TLL2: variants seen among roughly 807,000 people sequenced by gnomAD.
The protein encoded by TLL2 is tolloid-like protein 2.
A neutral mutation model predicts 123.0 loss-of-function variants in TLL2; 106 were observed. That is an observed-to-expected ratio of 0.86 (90% CI 0.74 to 1.01). The LOEUF (loss-of-function observed/expected upper bound fraction) is 1.01, where lower values mean the gene tolerates loss of function less well. Among genes scored for constraint, TLL2 ranks in the 50% least tolerant of loss-of-function variants. The pLI is 0.00. For missense variants in TLL2, 1,332 were observed against 1,336.7 expected, an observed-to-expected ratio of 1.00 and a Z score of 0.06; for synonymous variants, 494 against 516.8, an observed-to-expected ratio of 0.96 and a Z score of 0.60.
intron 7 of TLL2, among the ~76,000 whole-genome samples, chr10:96,414,671 ATGCCTC>A: frequency 6.6e-6 from 1 of 152,114 alleles, no homozygotes; most frequent in Non-Finnish European, 1.5e-5. Flanking sequence ...TGAGCCCCAG[ATGCCTC>A]GTAACACCTC....
intron 13 of TLL2, among the ~76,000 whole-genome samples, chr10:96,393,642 A>G (rs1564897450): frequency 6.6e-6 from 1 of 152,166 alleles, no homozygotes; most frequent in Non-Finnish European, 1.5e-5. Flanking sequence ...ATTTCCAGGC[A>G]TCTCAACTAA....
chr10:96,383,238 T>C, intron 16 of TLL2, among the ~76,000 whole-genome samples: 1 of 152,200 alleles, frequency 6.6e-6, no homozygotes, highest in East Asian at 1.9e-4. Context: ...TGGCCTTCAG[T>C]TTGAGAAGTA....
intron 19 of TLL2, among the ~76,000 whole-genome samples, chr10:96,372,150 A>T (rs1424326453): frequency 6.6e-6 from 1 of 152,182 alleles, no homozygotes; most frequent in African/African-American, 2.4e-5. Flanking sequence ...AGGGCTTTTA[A>T]ACTTCCCTGT....
intron 5 of TLL2, among the ~76,000 whole-genome samples, chr10:96,427,498 A>T (rs971371474): frequency 3.3e-5 from 5 of 152,200 alleles, no homozygotes; most frequent in Non-Finnish European, 5.9e-5. Context: ...ATGACTCTTG[A>T]TGCTATGCTA....
intron 1 of TLL2, among the ~76,000 whole-genome samples, chr10:96,483,579 T>C (rs1847331728): frequency 6.6e-6 from 1 of 152,154 alleles, no homozygotes; most frequent in African/African-American, 2.4e-5. Flanking sequence ...TCACTAGTCT[T>C]TGGATGAAGA....
chr10:96,503,652 C>G (rs1847554399), intron 1 of TLL2, among the ~76,000 whole-genome samples: 1 of 152,204 alleles, frequency 6.6e-6, no homozygotes, highest in South Asian at 2.1e-4. Flanking sequence ...ACCTGATACC[C>G]ATGCACTGAC....
At chr10:96,380,746 G>A (rs1045686927) in intron 16 of TLL2, among the ~76,000 whole-genome samples, 2 of 141,514 alleles carry the variant, frequency 1.4e-5, no homozygotes, top group Non-Finnish European at 3.0e-5. Context: ...GAGGCCAGGC[G>A]TGGTGGCTCA....
At chr10:96,392,527 A>G (rs1846299272) in intron 13 of TLL2, among the ~76,000 whole-genome samples, 1 of 151,928 alleles carries the variant, frequency 6.6e-6, no homozygotes, top group Non-Finnish European at 1.5e-5. Context: ...TGCATTGCTG[A>G]TCACCAGCAG....
intron 8 of TLL2, among the ~76,000 whole-genome samples, chr10:96,411,368 T>C (rs1846504562): frequency 6.6e-6 from 1 of 152,020 alleles, no homozygotes; most frequent in Admixed American, 6.5e-5. Context: ...TCTTTCCTCT[T>C]CCTTTTCTGC....
intron 2 of TLL2, among the ~76,000 whole-genome samples, chr10:96,454,247 C>T (rs1201932492): frequency 6.6e-6 from 1 of 152,218 alleles, no homozygotes; most frequent in African/African-American, 2.4e-5. Context: ...TGCTTTCTCT[C>T]AGACAGTGCT....
chr10:96,418,873 ATAAAT>A (rs1257150361), intron 7 of TLL2, among the ~76,000 whole-genome samples: 3 of 150,624 alleles, frequency 2.0e-5, no homozygotes, highest in East Asian at 1.9e-4. Context: ...TTATTAATAG[ATAAAT>A]TAAAAAGCAA....
chr10:96,489,704 A>G (rs766440223), intron 1 of TLL2, among the ~76,000 whole-genome samples: 5 of 152,238 alleles, frequency 3.3e-5, no homozygotes, highest in Non-Finnish European at 7.3e-5. Context: ...GTGGCTAGCT[A>G]TATATAAGCA....
rs1285354320 is a variant in TLL2 at position 96,476,248 on chromosome 10, T to TTTTTTGTTGTTGTTG, written c.286+4100_286+4101insCAACAACAACAAAAA. 2.3e-4 allele frequency among the ~76,000 whole-genome samples: 16 copies of TTTTTTGTTGTTGTTG among 69,240 alleles called. 2 individuals are homozygous for TTTTTTGTTGTTGTTG. The highest frequency in any genetic ancestry group is 1.0e-3 in the African/African-American group (16 of 16,068). The allele number at this position is 69,240 out of a possible 152,430, so 45.4% of individuals were successfully genotyped here. A position where few individuals can be genotyped will look rare whatever the true frequency, so the allele number is the denominator to read the frequency against. On this transcript the variant is annotated intron_variant, in intron 2 of 20. Coordinates refer to ENST00000357947, the MANE Select transcript of TLL2 (RefSeq NM_012465.4). ...TATATATATATATATATATTTTATTTTTGTTGTTGTTGTTGTTGTTGAGAC... is the reference window on the plus strand; with the variant it reads ...TATATATATATATATATATTTTATTTTTTTTGTTGTTGTTGTTGTTGTTGTTGTTGTTGTTGAGAC...
At chr10:96,451,295 T>C (rs1319844520) in intron 2 of TLL2, among the ~76,000 whole-genome samples, 1 of 152,188 alleles carries the variant, frequency 6.6e-6, no homozygotes, top group East Asian at 1.9e-4. Context: ...CCAATTTTCT[T>C]CCGCTCTCAA....
chr10:96,435,741 G>A (rs371135541), intron 3 of TLL2, among the ~76,000 whole-genome samples: 10 of 152,086 alleles, frequency 6.6e-5, no homozygotes, highest in Admixed American at 1.3e-4. Flanking sequence ...GAATTGTCTT[G>A]GTGCTCTTGT....
rs372646234 is a variant in TLL2, at chr10:96,368,173, C to T, written c.2963G>A (p.Arg988His). Residue 988 changes from arginine to histidine, a missense_variant, in exon 21 of 21, where the codon CGC becomes CAC. Physicochemically the swap from Arg to His is conservative, Grantham distance 29. Transcript: ENST00000357947. ...SAGDSLMIRF[R>H]TDDTINKKGF... ...TTTCTTGTTGATGGTGTCATCTGTG[C>T]GGAATCGAATCATCAGGGAATCACC... The T allele has an allele frequency of 1.4e-5, 22 of 1,614,018 alleles. No individual in the cohort carries two copies. The African/African-American group carries it at 1.5e-4, about 11-fold the overall frequency.
intron 5 of TLL2, among the ~76,000 whole-genome samples, chr10:96,424,952 A>G (rs1240324242): frequency 2.7e-5 from 4 of 148,770 alleles, no homozygotes; most frequent in South Asian, 4.2e-4. Context: ...TAATACTTAC[A>G]TCTTTGATCT....
At chr10:96,370,000 T>C in intron 20 of TLL2, 65 bp downstream of exon 20, 15 of 1,485,688 alleles carry the variant, frequency 1.0e-5, no homozygotes, top group South Asian at 1.4e-5. Context: ...CGGGCGTGTC[T>C]GACTCCACAA....
intron 20 of TLL2, among the ~76,000 whole-genome samples, chr10:96,369,572 C>T (rs1258551599): frequency 6.6e-6 from 1 of 151,920 alleles, no homozygotes; most frequent in African/African-American, 2.4e-5. Context: ...ACCAGCCTGA[C>T]CAACATGGTG....
Sources: allele counts gnomAD v4.1 joint callset (sites outside exome capture counted in the v4.1 genomes callset), GRCh38; gene constraint gnomAD v4.1.1; transcripts MANE v1.5; gene names NCBI Gene and HGNC (gene_info 2026-07-23, HGNC 2026-07-21).